The following SLC7A2 variants were observed in gnomAD, a reference collection of about 807,000 sequenced individuals.
SLC7A2 encodes cationic amino acid transporter 2.
Under a neutral mutation model 58.9 loss-of-function variants are expected in SLC7A2, and 48 were observed. The observed-to-expected ratio is 0.82, with a 90% confidence interval of 0.65 to 1.04. SLC7A2 has a LOEUF of 1.04. SLC7A2 is among the 50% of genes least tolerant of loss of function. The pLI is 0.00. For synonymous variants in SLC7A2, 363 were observed against 314.5 expected, an observed-to-expected ratio of 1.15 and a Z score of -1.63; for missense variants, 1,029 against 818.8, an observed-to-expected ratio of 1.26 and a Z score of -3.13.
chr8:17,525,949 A>T lies in SLC7A2; in HGVS notation c.-22-17369A>T, dbSNP rs545527847. On this transcript the variant is annotated intron_variant, in intron 2 of 12. Transcript: ENST00000494857. ...CATAGAATGTTTGTCTTTTTTCATG[A>T]TGGGGAAGTAATTTGCATATACCTT... 1.8e-4 allele frequency among the ~76,000 whole-genome samples: 27 copies of T among 152,268 alleles called. No homozygotes were observed. The South Asian group carries it at 5.2e-3, about 29-fold the overall frequency.
chr8:17,527,421 G>A (rs1487161817), intron 2 of SLC7A2, among the ~76,000 whole-genome samples: 7 of 152,082 alleles, frequency 4.6e-5, no homozygotes, highest in South Asian at 2.1e-4. Flanking sequence ...TATAGACCTC[G>A]ATTTCAAGAA....
At chr8:17,510,232 T>TAAG (rs776534126) in intron 2 of SLC7A2, among the ~76,000 whole-genome samples, 1 of 139,026 alleles carries the variant, frequency 7.2e-6, no homozygotes, top group Non-Finnish European at 1.7e-5. Flanking sequence ...AATAAACAAA[T>TAAG]AATAATAATA....
At chr8:17,526,897 C>A (rs1019147835) in intron 2 of SLC7A2, among the ~76,000 whole-genome samples, 2 of 152,084 alleles carry the variant, frequency 1.3e-5, no homozygotes, top group African/African-American at 4.8e-5. Flanking sequence ...CAGCAAAGCA[C>A]TTAATATATT....
intron 2 of SLC7A2, among the ~76,000 whole-genome samples, chr8:17,534,482 G>A (rs780038376): frequency 6.6e-6 from 1 of 152,120 alleles, no homozygotes; most frequent in Non-Finnish European, 1.5e-5. Context: ...GCATTGCCAA[G>A]ACTCAGAGAT....
chr8:17,544,690 G>C, intron 4 of SLC7A2, 84 bp downstream of exon 4: 2 of 1,171,086 alleles, frequency 1.7e-6, no homozygotes, highest in South Asian at 1.5e-5. Flanking sequence ...TTTGGGGCCT[G>C]AGTTCCCAAG....
intron 2 of SLC7A2, among the ~76,000 whole-genome samples, chr8:17,514,590 T>C (rs1272044003): frequency 6.6e-6 from 1 of 152,214 alleles, no homozygotes; most frequent in Non-Finnish European, 1.5e-5. Context: ...TTTATAGCTG[T>C]TCTGAGTAGC....
At chr8:17,537,704 C>G (rs1205803208) in intron 2 of SLC7A2, among the ~76,000 whole-genome samples, 4 of 152,126 alleles carry the variant, frequency 2.6e-5, no homozygotes, top group African/African-American at 7.2e-5. Context: ...GGAGAGGGAA[C>G]AGGTTGTACC....
chr8:17,551,709 C>G (rs1480952634), intron 6 of SLC7A2, 55 bp from the exon 7 acceptor site: 2 of 1,286,430 alleles, frequency 1.6e-6, no homozygotes, highest in African/African-American at 1.5e-5. Flanking sequence ...AATTTAATTT[C>G]TTTACCTGTT....
chr8:17,550,164 A>T, intron 5 of SLC7A2, 137 bp from the exon 6 acceptor site: 5 of 776,298 alleles, frequency 6.4e-6, no homozygotes, highest in Non-Finnish European at 1.0e-5. Flanking sequence ...TGAGAGAGTA[A>T]AGTTTTAATT....
At chr8:17,535,414 C>T (rs1037489068) in intron 2 of SLC7A2, among the ~76,000 whole-genome samples, 1 of 152,166 alleles carries the variant, frequency 6.6e-6, no homozygotes, top group African/African-American at 2.4e-5. Context: ...GAGTTAGGAG[C>T]CCTTGCAGTG....
intron 7 of SLC7A2, 92 bp downstream of exon 7, chr8:17,552,078 C>A (rs947343379): frequency 5.7e-6 from 5 of 878,798 alleles, no homozygotes; most frequent in Admixed American, 2.5e-5. Flanking sequence ...TAAAAAGTAT[C>A]CTAATAGAAA....
chr8:17,560,116 C>G (rs1357044809), intron 9 of SLC7A2, among the ~76,000 whole-genome samples: 1 of 152,090 alleles, frequency 6.6e-6, no homozygotes, highest in African/African-American at 2.4e-5. Context: ...GATTTGGTGA[C>G]TACTGGGGGA....
upstream of SLC7A2, among the ~76,000 whole-genome samples, chr8:17,495,356 G>A (rs569345667): frequency 4.6e-5 from 7 of 152,266 alleles, no homozygotes; most frequent in South Asian, 1.5e-3. Context: ...CTAGCCGTGG[G>A]ATTGAGGAGG....
intron 6 of SLC7A2, among the ~76,000 whole-genome samples, chr8:17,550,745 C>T (rs769074783): frequency 2.0e-5 from 3 of 152,136 alleles, no homozygotes; most frequent in Non-Finnish European, 4.4e-5. Context: ...TCATTATTAC[C>T]ATCCCTAACC....
chr8:17,495,696 C>G (rs1203991538), upstream of SLC7A2, among the ~76,000 whole-genome samples: 1 of 152,056 alleles, frequency 6.6e-6, no homozygotes, highest in African/African-American at 2.4e-5. Flanking sequence ...GTTACAGGCG[C>G]CCGCCGCCGC....
chr8:17,506,982 G>C (rs1340119363), intron 2 of SLC7A2, among the ~76,000 whole-genome samples: 1 of 141,928 alleles, frequency 7.0e-6, no homozygotes, highest in Non-Finnish European at 1.5e-5. Context: ...CTCTCACTCT[G>C]TTGCCAGGCT....
At position 17,565,092 on chromosome 8, in the gene SLC7A2, C is replaced by T. The variant is rs1276057556; in HGVS notation, c.1923C>T (p.His641=). ...CTGCCATTCAAGCAAATGACCATCA[C>T]CCAAGAAATCTCAGTTCACCTTTCA... is the stretch of plus-strand genomic sequence containing the variant. ...EKSAIQANDH[H]PRNLSSPFIF... is the part of the protein sequence containing the mutation. Residue 641 remains histidine, a synonymous_variant, in exon 13 of 13, where the codon CAC becomes CAT. Coordinates refer to ENST00000494857, the MANE Select transcript of SLC7A2 (RefSeq NM_001370338.1). 1 of 1,613,888 alleles carries T rather than the reference C, an allele frequency of 6.2e-7. No homozygotes were observed. Among genetic ancestry groups the T allele is most frequent in the Admixed American group, 1.7e-5 (1 of 59,992 alleles).
Position 17,543,646 on chromosome 8 carries a change from A to T in SLC7A2, c.307A>T (p.Thr103Ser). ...CAAGACGGGGTCTGCATATTTGTAC[A>T]CCTACGTGACTGTCGGAGAGCTGTG... ...VPKTGSAYLY[T>S]YVTVGELWAF... Residue 103 changes from threonine to serine, a missense_variant, in exon 3 of 13, where the codon ACC (threonine) becomes TCC (serine). Thr to Ser is a moderately conservative substitution (Grantham distance 58, BLOSUM62 1). Coordinates refer to ENST00000494857, the MANE Select transcript of SLC7A2 (RefSeq NM_001370338.1). 1 of 1,554,918 alleles carries T rather than the reference A, an allele frequency of 6.4e-7. No individual in the cohort carries two copies. Among genetic ancestry groups the T allele is most frequent in the East Asian group, 2.3e-5 (1 of 44,374 alleles).
At chr8:17,527,845 T>G (rs1801280362) in intron 2 of SLC7A2, among the ~76,000 whole-genome samples, 1 of 152,194 alleles carries the variant, frequency 6.6e-6, no homozygotes, top group African/African-American at 2.4e-5. Flanking sequence ...TTTTAGGACT[T>G]CAGCATATTT....
Sources: gnomAD v4.1 joint callset for allele counts (sites outside exome capture counted in the v4.1 genomes callset) on GRCh38, gnomAD v4.1.1 for gene constraint, MANE v1.5 for transcripts, NCBI Gene and HGNC (gene_info 2026-07-23, HGNC 2026-07-21) for gene names.